The following MIPOL1 variants were observed in gnomAD, a reference collection of about 807,000 sequenced individuals.
The protein encoded by MIPOL1 is mirror-image polydactyly gene 1 protein.
In MIPOL1, 57 loss-of-function variants were observed where a neutral mutation model predicts 60.9. The ratio of observed to expected loss-of-function variants is 0.94; its 90% CI spans 0.76 to 1.17. The LOEUF (loss-of-function observed/expected upper bound fraction) is 1.17. Among genes scored for constraint, MIPOL1 ranks in the 50% most tolerant of loss-of-function variants. The probability of loss-of-function intolerance (pLI) is 0.00; values close to 1 mark genes in which losing one functional copy is unlikely to be tolerated. For synonymous variants in MIPOL1, 179 were observed against 168.8 expected (o/e 1.06, Z -0.47); for missense variants, 551 against 511.6 (o/e 1.08, Z -0.74).
intron 12 of MIPOL1, chr14:37,501,657 G>C (rs920466851): frequency 6.6e-6 from 1 of 152,172 alleles, no homozygotes; most frequent in East Asian, 1.9e-4. Flanking sequence ...AACAGCTCTA[G>C]TCTGCAGCTC....
At chr14:37,346,749 C>T (rs770300975) in intron 9 of MIPOL1, among the ~76,000 whole-genome samples, 6 of 152,002 alleles carry the variant, frequency 3.9e-5, no homozygotes, top group African/African-American at 7.2e-5. Flanking sequence ...TATGGCCATG[C>T]GAGGTGAGAA....
At chr14:37,355,578 T>A (rs113152381) in intron 9 of MIPOL1, among the ~76,000 whole-genome samples, 1 of 139,208 alleles carries the variant, frequency 7.2e-6, no homozygotes, top group Admixed American at 7.4e-5. Flanking sequence ...TCACATAGTC[T>A]CATATTTCTT....
At chr14:37,295,736 T>C (rs1194453506) in intron 7 of MIPOL1, among the ~76,000 whole-genome samples, 2 of 152,022 alleles carry the variant, frequency 1.3e-5, no homozygotes, top group African/African-American at 4.8e-5. Flanking sequence ...AAGGGATCAG[T>C]TCAACAAGAA....
Position 37,217,488 on chromosome 14 carries a change from C to A in MIPOL1, c.-199+19384C>A, listed in dbSNP as rs575403457. Among the ~76,000 whole-genome samples the A allele has an allele frequency of 2.0e-5, 3 of 152,270 alleles. No individual in the cohort carries two copies. The East Asian group carries it at 5.8e-4, about 29-fold the overall frequency. ...TCTCTCTGATGGATATTGATGCAAA[C>A]ATTCTCAACAAAATACTAAAACCGA... On this transcript the variant is annotated intron_variant, in intron 1 of 12. Transcript: ENST00000684589.
intron 1 of MIPOL1, among the ~76,000 whole-genome samples, chr14:37,239,483 A>T (rs1002416047): frequency 1.3e-5 from 2 of 152,180 alleles, no homozygotes; most frequent in Non-Finnish European, 2.9e-5. Context: ...ACAAATTTGT[A>T]GTTGAACATA....
At chr14:37,300,206 A>G (rs2086249312) in intron 7 of MIPOL1, among the ~76,000 whole-genome samples, 2 of 150,476 alleles carry the variant, frequency 1.3e-5, no homozygotes, top group South Asian at 4.3e-4. Flanking sequence ...TAAATCACTA[A>G]GTACAGTCCA....
intron 1 of MIPOL1, among the ~76,000 whole-genome samples, chr14:37,209,325 A>G (rs752975914): frequency 2.4e-4 from 37 of 152,068 alleles, no homozygotes; most frequent in Non-Finnish European, 1.6e-4. Flanking sequence ...TGTATTTTTT[A>G]TTATTGCCTT....
At chr14:37,452,311 A>T (rs1351626149) in intron 11 of MIPOL1, among the ~76,000 whole-genome samples, 1 of 152,218 alleles carries the variant, frequency 6.6e-6, no homozygotes, top group Non-Finnish European at 1.5e-5. Flanking sequence ...GCAGAAAAGC[A>T]TCAATTATAG....
At chr14:37,473,995 A>G (rs543649656) in intron 11 of MIPOL1, among the ~76,000 whole-genome samples, 46 of 152,238 alleles carry the variant, frequency 3.0e-4, no homozygotes, top group African/African-American at 1.0e-3. Flanking sequence ...TTATTCCACA[A>G]TGTCATATTG....
intron 1 of MIPOL1, among the ~76,000 whole-genome samples, chr14:37,201,387 TAAG>T (rs1287105156): frequency 6.6e-6 from 1 of 152,116 alleles, no homozygotes. Context: ...AAAAGACAGG[TAAG>T]AAGTGAGAAA....
intron 11 of MIPOL1, among the ~76,000 whole-genome samples, chr14:37,466,946 A>T (rs1167372448): frequency 6.6e-6 from 1 of 152,224 alleles, no homozygotes; most frequent in African/African-American, 2.4e-5. Context: ...AAGGCATATA[A>T]TCAAATGGCT....
At chr14:37,274,634 G>A in intron 6 of MIPOL1, among the ~76,000 whole-genome samples, 1 of 151,216 alleles carries the variant, frequency 6.6e-6, no homozygotes, top group South Asian at 2.1e-4. Flanking sequence ...TGTAAGTAGT[G>A]GTTAAATGCG....
At chr14:37,454,712 G>A (rs1422266523) in intron 11 of MIPOL1, among the ~76,000 whole-genome samples, 1 of 152,134 alleles carries the variant, frequency 6.6e-6, no homozygotes, top group Non-Finnish European at 1.5e-5. Flanking sequence ...ATCATATGAA[G>A]CATAAAGAAG....
intron 12 of MIPOL1, among the ~76,000 whole-genome samples, chr14:37,521,118 G>T (rs1475751929): frequency 6.6e-6 from 1 of 151,498 alleles, no homozygotes; most frequent in Non-Finnish European, 1.5e-5. Flanking sequence ...TGTATTTTTA[G>T]TAGAGACAAG....
intron 11 of MIPOL1, among the ~76,000 whole-genome samples, chr14:37,435,131 A>G (rs1181328968): frequency 6.6e-6 from 1 of 152,184 alleles, no homozygotes; most frequent in Non-Finnish European, 1.5e-5. Context: ...TTGTGATATT[A>G]CTTATAAAAT....
At chr14:37,338,754 T>C (rs1331168004) in intron 9 of MIPOL1, among the ~76,000 whole-genome samples, 2 of 152,082 alleles carry the variant, frequency 1.3e-5, no homozygotes, top group Non-Finnish European at 2.9e-5. Flanking sequence ...AAGAAAAATA[T>C]TTTCAGCAAG....
chr14:37,410,003 T>G (rs2093655252), intron 10 of MIPOL1, among the ~76,000 whole-genome samples: 1 of 152,066 alleles, frequency 6.6e-6, no homozygotes, highest in Non-Finnish European at 1.5e-5. Flanking sequence ...TTTCTAAAAC[T>G]AATGGAAGAT....
chr14:37,525,829 C>G (rs1453664160), intron 12 of MIPOL1, among the ~76,000 whole-genome samples: 1 of 152,036 alleles, frequency 6.6e-6, no homozygotes, highest in Non-Finnish European at 1.5e-5. Context: ...CCTACTTGTC[C>G]GTAAGAAAAG....
intron 11 of MIPOL1, among the ~76,000 whole-genome samples, chr14:37,479,197 G>C (rs1190788745): frequency 2.0e-5 from 3 of 152,060 alleles, no homozygotes; most frequent in African/African-American, 7.2e-5. Flanking sequence ...CCCAAATGGA[G>C]CTAAGAGAAA....
Sources: allele counts gnomAD v4.1 joint callset (sites outside exome capture counted in the v4.1 genomes callset), GRCh38; gene constraint gnomAD v4.1.1; transcripts MANE v1.5; gene names NCBI Gene and HGNC (gene_info 2026-07-23, HGNC 2026-07-21).